Variants in HACE1 observed in about 807,000 individuals in gnomAD.
The protein encoded by HACE1 is E3 ubiquitin-protein ligase HACE1.
A neutral mutation model predicts 118.4 loss-of-function variants in HACE1; 73 were observed. The observed-to-expected ratio is 0.62, with a 90% CI of 0.51 to 0.75. The LOEUF is 0.75. Ranked by LOEUF, HACE1 falls within the 30% of genes least tolerant of loss-of-function variation. HACE1 has a pLI of 0.00. For synonymous variants in HACE1, 368 were observed against 374.8 expected (o/e 0.98, Z 0.21); for missense variants, 749 against 1,102.2 (o/e 0.68, Z 4.54).
intron 14 of HACE1, among the ~76,000 whole-genome samples, chr6:104,777,929 T>A (rs1268579308): frequency 6.6e-6 from 1 of 152,068 alleles, no homozygotes; most frequent in Non-Finnish European, 1.5e-5. Context: ...CTGGCTAATT[T>A]TTGTATTTTT....
chr6:104,799,363 G>C (rs73768820), intron 7 of HACE1, among the ~76,000 whole-genome samples: 161 of 152,230 alleles, frequency 1.1e-3, no homozygotes, highest in African/African-American at 3.3e-3. Flanking sequence ...ACACACATAA[G>C]GGTAGTCAGT....
chr6:104,792,285 G>GA, intron 10 of HACE1, among the ~76,000 whole-genome samples: 1 of 152,160 alleles, frequency 6.6e-6, no homozygotes, highest in African/African-American at 2.4e-5. Flanking sequence ...CATGAAAAAA[G>GA]AAAAGACTAA....
At chr6:104,805,262 G>A (rs1235228013) in intron 7 of HACE1, among the ~76,000 whole-genome samples, 2 of 152,166 alleles carry the variant, frequency 1.3e-5, no homozygotes, top group East Asian at 3.9e-4. Context: ...TGGTGGGAGT[G>A]TAAATTAGTT....
chr6:104,792,201 A>G (rs1783096585), intron 10 of HACE1, among the ~76,000 whole-genome samples: 3 of 152,240 alleles, frequency 2.0e-5, no homozygotes, highest in Admixed American at 1.3e-4. Context: ...AAAAGTTGCT[A>G]TCTGCATTAG....
chr6:104,739,518 T>C (rs1562262159), intron 22 of HACE1, among the ~76,000 whole-genome samples: 1 of 151,954 alleles, frequency 6.6e-6, no homozygotes, highest in Non-Finnish European at 1.5e-5. Flanking sequence ...GTTGCAATCC[T>C]AGTCTCTGAT....
chr6:104,831,714 A>G (rs1442684658), intron 6 of HACE1, among the ~76,000 whole-genome samples: 1 of 152,082 alleles, frequency 6.6e-6, no homozygotes, highest in African/African-American at 2.4e-5. Context: ...TAACGCAGTG[A>G]AACCCCATCT....
chr6:104,752,145 T>C (rs1275181094), intron 19 of HACE1, among the ~76,000 whole-genome samples: 1 of 152,146 alleles, frequency 6.6e-6, no homozygotes, highest in Non-Finnish European at 1.5e-5. Context: ...CCATCTCTGC[T>C]ATTCAATCTA....
rs369423045 is a variant in HACE1 at position 104,750,212 on chromosome 6, A to G, written c.2343+129T>C. 7 of 746,614 alleles carry G rather than the reference A, an allele frequency of 9.4e-6. No individual in the cohort carries two copies. The East Asian group carries it at 1.1e-4, about 12-fold the overall frequency. 46.2% of individuals were successfully genotyped at this position (746,614 alleles called of 1,614,324 possible). ...TTTTATATCAAATCTCTAAAAATGG[A>G]CATTAAACCATTTTGTCTCATTTAT... On this transcript the variant is annotated intron_variant, in intron 20 of 23. Coordinates refer to ENST00000262903, the MANE Select transcript of HACE1 (RefSeq NM_020771.4).
intron 6 of HACE1, among the ~76,000 whole-genome samples, chr6:104,814,165 G>A (rs1295593294): frequency 7.3e-6 from 1 of 137,710 alleles, no homozygotes; most frequent in Non-Finnish European, 1.6e-5. Flanking sequence ...GAATAACCAA[G>A]AAATAATACC....
intron 7 of HACE1, among the ~76,000 whole-genome samples, chr6:104,809,321 C>T (rs1771350387): frequency 6.6e-6 from 1 of 152,120 alleles, no homozygotes; most frequent in Non-Finnish European, 1.5e-5. Flanking sequence ...GATCAAAAAT[C>T]TGGGGAACGA....
intron 7 of HACE1, among the ~76,000 whole-genome samples, chr6:104,803,650 G>A (rs1054231357): frequency 7.5e-4 from 114 of 152,100 alleles, no homozygotes; most frequent in Non-Finnish European, 1.4e-3. Context: ...AAAGGCCTTC[G>A]ACAAAATTCA....
At chr6:104,770,711 T>A (rs1339912672) in intron 19 of HACE1, among the ~76,000 whole-genome samples, 2 of 152,112 alleles carry the variant, frequency 1.3e-5, no homozygotes, top group Non-Finnish European at 2.9e-5. Flanking sequence ...AGAGTGAGAC[T>A]TCGTCTCAAT....
chr6:104,771,392 A>G lies in HACE1; in HGVS notation c.2015-3T>C. The G allele has an allele frequency of 6.3e-7, 1 of 1,598,518 alleles. No individual in the cohort carries two copies. Among genetic ancestry groups the G allele is most frequent in the Non-Finnish European group, 8.6e-7 (1 of 1,166,360 alleles). ...ATCTTGGTAATTTACAGGAATACCTAAAAAATGCAAACATACAGCAGTTAT... is the reference window on the plus strand; with the variant it reads ...ATCTTGGTAATTTACAGGAATACCTGAAAAATGCAAACATACAGCAGTTAT... On this transcript the variant is annotated splice_polypyrimidine_tract_variant and splice_region_variant and intron_variant, in intron 18 of 23. Coordinates refer to ENST00000262903, the MANE Select transcript of HACE1 (RefSeq NM_020771.4).
chr6:104,765,579 A>T (rs1458134643), intron 19 of HACE1, among the ~76,000 whole-genome samples: 1 of 152,248 alleles, frequency 6.6e-6, no homozygotes, highest in Non-Finnish European at 1.5e-5. Flanking sequence ...TTTTGTGATC[A>T]GCAGATGCTC....
intron 19 of HACE1, among the ~76,000 whole-genome samples, chr6:104,758,363 C>T (rs1024158073): frequency 1.7e-4 from 26 of 152,266 alleles, no homozygotes; most frequent in Admixed American, 3.9e-4. Flanking sequence ...TGCAGAAACC[C>T]TACAAACCAG....
At position 104,785,328 on chromosome 6, in the gene HACE1, A is replaced by T; in HGVS notation, c.1075-9T>A. The T allele has an allele frequency of 6.5e-7, 1 of 1,527,342 alleles. No individual in the cohort carries two copies. Among genetic ancestry groups the T allele is most frequent in the Non-Finnish European group, 9.1e-7 (1 of 1,102,516 alleles). 94.6% of individuals were successfully genotyped at this position (1,527,342 alleles called of 1,614,324 possible). A position where few individuals can be genotyped will look rare whatever the true frequency, so the allele number is the denominator to read the frequency against. ...CAAAGCAATTCCAGAGGCTGAGAGA[A>T]ACAAAAGTGTTTTTTAAACATCATT... On this transcript the variant is annotated splice_polypyrimidine_tract_variant and intron_variant, in intron 11 of 23. Transcript: ENST00000262903.
intron 5 of HACE1, among the ~76,000 whole-genome samples, chr6:104,835,828 G>A (rs955624018): frequency 6.6e-6 from 1 of 152,062 alleles, no homozygotes; most frequent in African/African-American, 2.4e-5. Flanking sequence ...TTTCTAGAGA[G>A]AAAAATCAAA....
At chr6:104,819,007 C>T (rs1307415494) in intron 6 of HACE1, among the ~76,000 whole-genome samples, 1 of 152,160 alleles carries the variant, frequency 6.6e-6, no homozygotes, top group Non-Finnish European at 1.5e-5. Flanking sequence ...CTCACCACCC[C>T]TATTCAACAC....
intron 19 of HACE1, among the ~76,000 whole-genome samples, chr6:104,765,436 T>C (rs1779884187): frequency 6.6e-6 from 1 of 152,230 alleles, no homozygotes; most frequent in Non-Finnish European, 1.5e-5. Context: ...GGCTGTCTCA[T>C]CAGCTGTAGT....
Sources: allele counts gnomAD v4.1 joint callset (sites outside exome capture counted in the v4.1 genomes callset), GRCh38; gene constraint gnomAD v4.1.1; transcripts MANE v1.5; gene names NCBI Gene and HGNC (gene_info 2026-07-23, HGNC 2026-07-21).